RIT2: variants seen among roughly 807,000 people sequenced by gnomAD.
RIT2 encodes the protein GTP-binding protein Rit2.
Under a neutral mutation model 23.7 loss-of-function variants are expected in RIT2, and 24 were observed. The ratio of observed to expected loss-of-function variants is 1.01; its 90% CI spans 0.73 to 1.43. The LOEUF is 1.43. Among genes scored for constraint, RIT2 ranks in the 40% most tolerant of loss-of-function variants. The pLI is 0.00. For missense variants in RIT2, 236 were observed against 266.9 expected (o/e 0.88, Z 0.81); for synonymous variants, 107 against 91.1 (o/e 1.17, Z -0.99).
intron 1 of RIT2, among the ~76,000 whole-genome samples, chr18:43,081,721 A>C (rs752121639): frequency 4.6e-5 from 7 of 152,156 alleles, no homozygotes; most frequent in Non-Finnish European, 7.4e-5. Flanking sequence ...TTCTGCCCTC[A>C]TTTATCACAC....
intron 4 of RIT2, among the ~76,000 whole-genome samples, chr18:42,850,269 T>C (rs1432704309): frequency 6.6e-6 from 1 of 152,170 alleles, no homozygotes; most frequent in Non-Finnish European, 1.5e-5. Flanking sequence ...AGTTAACAAC[T>C]GGACAGAAAA....
At chr18:43,076,812 G>A (rs1027143095) in intron 1 of RIT2, among the ~76,000 whole-genome samples, 1 of 152,114 alleles carries the variant, frequency 6.6e-6, no homozygotes, top group African/African-American at 2.4e-5. Flanking sequence ...TTTTTAAGAG[G>A]CTCAAACACG....
intron 2 of RIT2, among the ~76,000 whole-genome samples, chr18:42,990,261 A>G (rs1445748689): frequency 6.6e-6 from 1 of 152,060 alleles, no homozygotes; most frequent in Non-Finnish European, 1.5e-5. Context: ...GGAGTTTCCT[A>G]TTACTCAGCT....
chr18:43,051,260 G>A (rs1367997365), intron 1 of RIT2, among the ~76,000 whole-genome samples: 3 of 152,104 alleles, frequency 2.0e-5, no homozygotes, highest in South Asian at 4.1e-4. Flanking sequence ...TGCTGTTGTG[G>A]TAGCATCAAA....
chr18:42,862,435 A>C (rs1455343260), intron 4 of RIT2, among the ~76,000 whole-genome samples: 1 of 152,216 alleles, frequency 6.6e-6, no homozygotes, highest in Non-Finnish European at 1.5e-5. Context: ...TGTGAAAATA[A>C]GCTACAATAA....
chr18:42,744,598 A>T (rs958904999), intron 4 of RIT2, among the ~76,000 whole-genome samples: 14 of 152,196 alleles, frequency 9.2e-5, no homozygotes, highest in African/African-American at 3.4e-4. Flanking sequence ...AATTTCCTCA[A>T]CATAAGATAT....
chr18:42,895,970 T>G (rs573040591), intron 4 of RIT2, among the ~76,000 whole-genome samples: 1 of 152,286 alleles, frequency 6.6e-6, no homozygotes, highest in South Asian at 2.1e-4. Context: ...AAAGGCAGAC[T>G]TTAGATTTGC....
At chr18:42,956,916 A>G (rs899209752) in intron 3 of RIT2, among the ~76,000 whole-genome samples, 2 of 152,112 alleles carry the variant, frequency 1.3e-5, no homozygotes, top group Admixed American at 6.6e-5. Flanking sequence ...CATTGGTAGG[A>G]GATAAAGAGG....
intron 4 of RIT2, among the ~76,000 whole-genome samples, chr18:42,794,519 C>T (rs1398191041): frequency 6.6e-6 from 1 of 152,186 alleles, no homozygotes; most frequent in Non-Finnish European, 1.5e-5. Flanking sequence ...CCTAACAGTT[C>T]TCTTGCAAAG....
chr18:43,013,054 C>T (rs1031780371), intron 2 of RIT2, among the ~76,000 whole-genome samples: 1 of 151,728 alleles, frequency 6.6e-6, no homozygotes, highest in Non-Finnish European at 1.5e-5. Flanking sequence ...AAACCAGTAA[C>T]CTGATTCACC....
chr18:43,051,081 G>C (rs780621128), intron 1 of RIT2, among the ~76,000 whole-genome samples: 8 of 152,010 alleles, frequency 5.3e-5, no homozygotes, highest in African/African-American at 1.2e-4. Flanking sequence ...TGGCATGAAG[G>C]GGGGAATATT....
intron 1 of RIT2, among the ~76,000 whole-genome samples, chr18:43,061,538 C>G (rs1912645259): frequency 6.6e-6 from 1 of 152,166 alleles, no homozygotes; most frequent in African/African-American, 2.4e-5. Context: ...AGTCTAAAAA[C>G]TGAACTGCCA....
At chr18:43,092,587 A>G (rs1214216693) in intron 1 of RIT2, among the ~76,000 whole-genome samples, 1 of 152,048 alleles carries the variant, frequency 6.6e-6, no homozygotes, top group Non-Finnish European at 1.5e-5. Flanking sequence ...TCAAAGACAT[A>G]CTAAGTCCTT....
At chr18:43,001,381 A>T (rs1024871609) in intron 2 of RIT2, among the ~76,000 whole-genome samples, 4 of 152,032 alleles carry the variant, frequency 2.6e-5, no homozygotes, top group African/African-American at 9.7e-5. Flanking sequence ...AAGGAAAAAT[A>T]TTTTAGCTCT....
chr18:43,098,955 C>T (rs1322120389), intron 1 of RIT2, among the ~76,000 whole-genome samples: 3 of 152,002 alleles, frequency 2.0e-5, no homozygotes, highest in Non-Finnish European at 2.9e-5. Context: ...AACAGGATGG[C>T]AACATCTGGC....
At chr18:42,781,267 C>G (rs1163723546) in intron 4 of RIT2, among the ~76,000 whole-genome samples, 1 of 152,060 alleles carries the variant, frequency 6.6e-6, no homozygotes, top group East Asian at 1.9e-4. Flanking sequence ...ATATATTCTA[C>G]AAGATCAAAT....
At chr18:42,915,465 C>T (rs898682899) in intron 4 of RIT2, among the ~76,000 whole-genome samples, 2 of 152,052 alleles carry the variant, frequency 1.3e-5, no homozygotes, top group Non-Finnish European at 2.9e-5. Flanking sequence ...AATTCCCCAA[C>T]AGCTTTGCTT....
chr18:43,026,371 T>C (rs778059955), intron 2 of RIT2, among the ~76,000 whole-genome samples: 1 of 151,666 alleles, frequency 6.6e-6, no homozygotes. Flanking sequence ...CTGACCAACA[T>C]GGTGAAACCC....
At chr18:42,854,926 G>C (rs1340914623) in intron 4 of RIT2, among the ~76,000 whole-genome samples, 1 of 152,054 alleles carries the variant, frequency 6.6e-6, no homozygotes, top group Non-Finnish European at 1.5e-5. Context: ...ACTCTTCTCT[G>C]ATCTCTTTTT....
Sources: gnomAD v4.1 joint callset for allele counts (sites outside exome capture counted in the v4.1 genomes callset) on GRCh38, gnomAD v4.1.1 for gene constraint, MANE v1.5 for transcripts, NCBI Gene and HGNC (gene_info 2026-07-23, HGNC 2026-07-21) for gene names.